ABCD3: variants seen among roughly 807,000 people sequenced by gnomAD.
ABCD3 encodes ATP-binding cassette sub-family D member 3.
Under a neutral mutation model 105.5 loss-of-function variants are expected in ABCD3, and 41 were observed. That is an observed-to-expected ratio of 0.39 (90% CI 0.30 to 0.50). ABCD3 has a LOEUF of 0.50. Among genes scored for constraint, ABCD3 ranks in the 20% least tolerant of loss-of-function variants. The pLI, the probability that ABCD3 is intolerant of heterozygous loss-of-function variation, is 0.84. For missense variants in ABCD3, 622 were observed against 806.3 expected (o/e 0.77, Z 2.77); for synonymous variants, 258 against 269.0 (o/e 0.96, Z 0.40).
upstream of ABCD3, among the ~76,000 whole-genome samples, chr1:94,417,969 A>T (rs1659086672): frequency 6.6e-6 from 1 of 152,114 alleles, no homozygotes; most frequent in South Asian, 2.1e-4. Flanking sequence ...TTTTCCCTAC[A>T]CGCTCTGTGA....
chr1:94,477,247 A>G (rs1238395686), intron 7 of ABCD3, among the ~76,000 whole-genome samples: 1 of 150,286 alleles, frequency 6.7e-6, no homozygotes, highest in Non-Finnish European at 1.5e-5. Flanking sequence ...AAAAAAAAAA[A>G]AAAAAAAAGG....
upstream of ABCD3, among the ~76,000 whole-genome samples, chr1:94,415,174 A>G (rs1008605348): frequency 6.6e-6 from 1 of 152,188 alleles, no homozygotes; most frequent in African/African-American, 2.4e-5. Flanking sequence ...GTCACATAGC[A>G]TCACCTTCAT....
At position 94,441,464 on chromosome 1, in the gene ABCD3, G is replaced by A. The variant is rs184971326; in HGVS notation, c.111-17143G>A. 3.4e-3 allele frequency among the ~76,000 whole-genome samples: 471 copies of A among 139,816 alleles called. 3 individuals are homozygous for A. The highest frequency in any genetic ancestry group is 0.011 in the African/African-American group (444 of 40,568). The allele number at this position is 139,816 out of a possible 152,430, so 91.7% of individuals were successfully genotyped here. A position where few individuals can be genotyped will look rare whatever the true frequency, so the allele number is the denominator to read the frequency against. Reference sequence around the variant, plus strand: ...ATTTGATTATAGCTAACAAAACTGCGTATGCATTTATGTATTGACTCAGTA... The same window carrying A: ...ATTTGATTATAGCTAACAAAACTGCATATGCATTTATGTATTGACTCAGTA... On this transcript the variant is annotated intron_variant, in intron 1 of 22. Transcript: ENST00000370214.
At chr1:94,468,961 A>C (rs950131406) in intron 4 of ABCD3, among the ~76,000 whole-genome samples, 33 of 152,130 alleles carry the variant, frequency 2.2e-4, no homozygotes, top group African/African-American at 7.7e-4. Flanking sequence ...ATTCCACCCA[A>C]GTCTCCCTGA....
chr1:94,462,145 T>A (rs1385256203), intron 2 of ABCD3, among the ~76,000 whole-genome samples: 1 of 152,224 alleles, frequency 6.6e-6, no homozygotes, highest in South Asian at 2.1e-4. Flanking sequence ...ATTTGTTTGC[T>A]TTTTCTATAA....
At chr1:94,434,131 G>C (rs1431142066) in intron 1 of ABCD3, among the ~76,000 whole-genome samples, 1 of 152,084 alleles carries the variant, frequency 6.6e-6, no homozygotes, top group Admixed American at 6.6e-5. Context: ...GCACATGACT[G>C]TAGACTTTAT....
At chr1:94,497,337 A>G (rs1199362489) in intron 16 of ABCD3, among the ~76,000 whole-genome samples, 1 of 152,164 alleles carries the variant, frequency 6.6e-6, no homozygotes, top group Non-Finnish European at 1.5e-5. Flanking sequence ...ACAGAGCCTG[A>G]CAGAGAGCAT....
chr1:94,487,210 C>T (rs1468044252), intron 10 of ABCD3, among the ~76,000 whole-genome samples: 2 of 152,150 alleles, frequency 1.3e-5, no homozygotes, highest in African/African-American at 4.8e-5. Context: ...TCGTTGTTGT[C>T]CTCTTTTGGG....
chr1:94,426,224 TAA>T (rs1270684862), intron 1 of ABCD3, among the ~76,000 whole-genome samples: 1 of 152,222 alleles, frequency 6.6e-6, no homozygotes, highest in African/African-American at 2.4e-5. Context: ...GAAAGTATCT[TAA>T]GTTAGTTTTA....
At chr1:94,402,651 C>G in the ABCD3 span, among the ~76,000 whole-genome samples, 11 of 152,282 alleles carry the variant, frequency 7.2e-5, no homozygotes, top group African/African-American at 2.2e-4. Context: ...TCCTCTACCC[C>G]CTTCACGCTC....
the ABCD3 span, among the ~76,000 whole-genome samples, chr1:94,402,594 G>A: frequency 6.6e-6 from 1 of 152,072 alleles, no homozygotes; most frequent in Non-Finnish European, 1.5e-5. Flanking sequence ...CCTACCAATA[G>A]TATTCCAGTT....
intron 8 of ABCD3, 59 bp downstream of exon 8, chr1:94,478,374 T>C (rs1648866061): frequency 7.4e-7 from 1 of 1,350,942 alleles, no homozygotes; most frequent in Admixed American, 1.7e-5. Context: ...GAAATACATA[T>C]TGTGAATAGC....
chr1:94,449,261 A>G (rs1052946657), intron 1 of ABCD3, among the ~76,000 whole-genome samples: 38 of 152,324 alleles, frequency 2.5e-4, no homozygotes, highest in African/African-American at 8.9e-4. Flanking sequence ...GAGGATCCCA[A>G]CTGTCATGAG....
rs970629242 is a variant in ABCD3, at chr1:94,488,002, A to G, written c.1157+19A>G. The G allele has an allele frequency of 3.2e-6, 5 of 1,563,202 alleles. No individual in the cohort carries two copies. The highest frequency in any genetic ancestry group is 4.4e-6 in the Non-Finnish European group (5 of 1,134,534). ...TGGCCGGGTAAGATTAGTAATAATG[A>G]GCTGTTGCAGAAAATAATTTTTAAA... On this transcript the variant is annotated intron_variant, in intron 13 of 22. Coordinates refer to ENST00000370214, the MANE Select transcript of ABCD3 (RefSeq NM_002858.4).
chr1:94,505,478 T>C (rs1487474789), intron 20 of ABCD3, among the ~76,000 whole-genome samples: 1 of 151,496 alleles, frequency 6.6e-6, no homozygotes, highest in Non-Finnish European at 1.5e-5. Context: ...CCTCACAAAG[T>C]GCTGGGATTA....
chr1:94,440,661 A>G (rs1022068156), intron 1 of ABCD3, among the ~76,000 whole-genome samples: 8 of 152,144 alleles, frequency 5.3e-5, no homozygotes, highest in South Asian at 2.1e-4. Flanking sequence ...AAGATACCCT[A>G]TTACTTCACT....
intron 1 of ABCD3, among the ~76,000 whole-genome samples, chr1:94,453,535 G>T (rs1372664160): frequency 6.6e-6 from 1 of 151,760 alleles, no homozygotes; most frequent in Non-Finnish European, 1.5e-5. Flanking sequence ...AGCCAGGATG[G>T]TCTCGATCTC....
At chr1:94,404,603 T>C in the ABCD3 span, among the ~76,000 whole-genome samples, 5 of 152,178 alleles carry the variant, frequency 3.3e-5, no homozygotes, top group African/African-American at 1.2e-4. Context: ...TGCAAAAAGA[T>C]AGTCTCAGAG....
chr1:94,397,832 T>C, the ABCD3 span, among the ~76,000 whole-genome samples: 1 of 152,196 alleles, frequency 6.6e-6, no homozygotes, highest in African/African-American at 2.4e-5. Context: ...CCACAGCATT[T>C]AATATATGTT....
Sources: allele counts gnomAD v4.1 joint callset (sites outside exome capture counted in the v4.1 genomes callset), GRCh38; gene constraint gnomAD v4.1.1; transcripts MANE v1.5; gene names NCBI Gene and HGNC (gene_info 2026-07-23, HGNC 2026-07-21).